The following CTNNA2 variants were observed in gnomAD, a reference collection of about 807,000 sequenced individuals.
The protein encoded by CTNNA2 is catenin alpha 2, also known as catenin alpha-2.
A neutral mutation model predicts 101.0 loss-of-function variants in CTNNA2; 42 were observed. The observed-to-expected ratio is 0.42, with a 90% CI of 0.32 to 0.54. The LOEUF (loss-of-function observed/expected upper bound fraction) is 0.54, where lower values mean the gene tolerates loss of function less well. Ranked by LOEUF, CTNNA2 falls within the 20% of genes least tolerant of loss-of-function variation. The pLI, the probability that CTNNA2 is intolerant of heterozygous loss-of-function variation, is 0.14. For synonymous variants in CTNNA2, 450 were observed against 456.4 expected, an observed-to-expected ratio of 0.99 and a Z score of 0.18; for missense variants, 871 against 1,223.1, an observed-to-expected ratio of 0.71 and a Z score of 4.29.
At chr2:80,271,612 C>T (rs571899221) in intron 7 of CTNNA2, among the ~76,000 whole-genome samples, 8 of 152,082 alleles carry the variant, frequency 5.3e-5, no homozygotes, top group African/African-American at 1.2e-4. Flanking sequence ...TTAGTAGAGA[C>T]GGGGTTTCAC....
At chr2:79,533,032 T>C (rs1672839751) in intron 1 of CTNNA2, among the ~76,000 whole-genome samples, 1 of 152,014 alleles carries the variant, frequency 6.6e-6, no homozygotes, top group African/African-American at 2.4e-5. Context: ...CACCTTGGAC[T>C]CATTTTTTGT....
intron 7 of CTNNA2, among the ~76,000 whole-genome samples, chr2:80,153,887 G>C (rs1411599284): frequency 1.3e-5 from 2 of 152,146 alleles, no homozygotes; most frequent in Admixed American, 1.3e-4. Context: ...ATATGAGAGT[G>C]AATATAGTGT....
intron 18 of CTNNA2, among the ~76,000 whole-genome samples, chr2:80,635,570 C>T (rs1260034293): frequency 2.6e-5 from 4 of 151,970 alleles, no homozygotes; most frequent in East Asian, 1.9e-4. Flanking sequence ...AGAGCTCATT[C>T]GTTATGAATT....
intron 7 of CTNNA2, among the ~76,000 whole-genome samples, chr2:79,983,128 A>G (rs897700579): frequency 1.3e-5 from 2 of 149,552 alleles, no homozygotes; most frequent in African/African-American, 2.4e-5. Context: ...TTTTATATAT[A>G]TATGTGTATA....
intron 6 of CTNNA2, among the ~76,000 whole-genome samples, chr2:79,893,489 TACATTGAGTTAA>T (rs1183955512): frequency 2.0e-5 from 3 of 152,222 alleles, no homozygotes; most frequent in Non-Finnish European, 2.9e-5. Flanking sequence ...ATGTATGCTA[TACATTGAGTTAA>T]TATTGACCAA....
intron 4 of CTNNA2, among the ~76,000 whole-genome samples, chr2:79,480,625 A>G (rs1324410914): frequency 1.3e-5 from 2 of 152,120 alleles, no homozygotes; most frequent in Non-Finnish European, 2.9e-5. Flanking sequence ...GAATTCTTAG[A>G]TAATTCCTCA....
At chr2:79,527,491 A>T (rs981991611) in intron 1 of CTNNA2, among the ~76,000 whole-genome samples, 1 of 151,034 alleles carries the variant, frequency 6.6e-6, no homozygotes, top group Non-Finnish European at 1.5e-5. Context: ...AAAAAAAAAA[A>T]AAAATTAACC....
intron 9 of CTNNA2, among the ~76,000 whole-genome samples, chr2:80,462,173 G>C (rs1229932916): frequency 6.6e-6 from 1 of 152,114 alleles, no homozygotes; most frequent in Non-Finnish European, 1.5e-5. Flanking sequence ...TAACAACCTC[G>C]GGAGGTGGGA....
chr2:79,530,440 T>G (rs1009790699), intron 1 of CTNNA2, among the ~76,000 whole-genome samples: 1 of 152,176 alleles, frequency 6.6e-6, no homozygotes, highest in African/African-American at 2.4e-5. Flanking sequence ...GTTTTCACAC[T>G]GCACAATCTG....
chr2:79,706,426 T>C (rs11897380), intron 2 of CTNNA2, among the ~76,000 whole-genome samples: 82,769 of 150,090 alleles, frequency 0.55, 23,233 homozygotes, highest in East Asian at 0.81. Flanking sequence ...TACAACAGGT[T>C]ACTTGAGGGT....
intron 4 of CTNNA2, among the ~76,000 whole-genome samples, chr2:79,387,723 G>GA (rs60083315): frequency 0.08 from 12,179 of 152,158 alleles, 1,585 homozygotes; most frequent in African/African-American, 0.28. Context: ...CCAAAACCTG[G>GA]CGGCAGAGCT....
At chr2:80,643,906 G>T (rs1277684819) in intron 18 of CTNNA2, among the ~76,000 whole-genome samples, 3 of 152,184 alleles carry the variant, frequency 2.0e-5, no homozygotes, top group Non-Finnish European at 2.9e-5. Context: ...GGGCTATGAG[G>T]ATGAGACTAA....
At chr2:79,250,993 A>T (rs1002257565) in intron 2 of CTNNA2, among the ~76,000 whole-genome samples, 8 of 152,124 alleles carry the variant, frequency 5.3e-5, no homozygotes, top group Admixed American at 2.0e-4. Flanking sequence ...GAAAAAAATG[A>T]TTTACTCTGA....
chr2:80,195,134 T>A (rs1184728563), intron 7 of CTNNA2, among the ~76,000 whole-genome samples: 1 of 152,186 alleles, frequency 6.6e-6, no homozygotes, highest in Non-Finnish European at 1.5e-5. Flanking sequence ...AAAGGAACAG[T>A]TGACTGTTCT....
At chr2:79,817,073 A>T (rs1306552452) in intron 3 of CTNNA2, among the ~76,000 whole-genome samples, 1 of 151,764 alleles carries the variant, frequency 6.6e-6, no homozygotes, top group African/African-American at 2.4e-5. Context: ...TTTAGGATAC[A>T]TGTGCCCAAC....
intron 3 of CTNNA2, among the ~76,000 whole-genome samples, chr2:79,358,516 A>T (rs1345463834): frequency 6.6e-6 from 1 of 152,110 alleles, no homozygotes; most frequent in Non-Finnish European, 1.5e-5. Context: ...GATCTTAGTC[A>T]ACATACGGTT....
chr2:79,282,143 G>C (rs930829148), intron 2 of CTNNA2, among the ~76,000 whole-genome samples: 1 of 152,000 alleles, frequency 6.6e-6, no homozygotes, highest in African/African-American at 2.4e-5. Context: ...AGAAAAACAG[G>C]GTTGAGAAAG....
chr2:80,462,989 A>G (rs1372381989), intron 9 of CTNNA2, among the ~76,000 whole-genome samples: 3 of 152,018 alleles, frequency 2.0e-5, no homozygotes, highest in Non-Finnish European at 4.4e-5. Flanking sequence ...CGGCACACTG[A>G]TTATTCCAGA....
chr2:79,306,050 A>C (rs2104395283), intron 2 of CTNNA2, among the ~76,000 whole-genome samples: 1 of 151,906 alleles, frequency 6.6e-6, no homozygotes, highest in South Asian at 2.1e-4. Flanking sequence ...CATTTCAAAA[A>C]AAAAAAAAAA....
Sources: gnomAD v4.1 joint callset for allele counts (sites outside exome capture counted in the v4.1 genomes callset) on GRCh38, gnomAD v4.1.1 for gene constraint, MANE v1.5 for transcripts, NCBI Gene and HGNC (gene_info 2026-07-23, HGNC 2026-07-21) for gene names.